Variants in OPCML observed in about 807,000 individuals in gnomAD.
OPCML encodes opioid binding protein/cell adhesion molecule like.
OPCML carries 13 observed loss-of-function variants against 37.8 expected under a neutral mutation model. The observed-to-expected ratio is 0.34, with a 90% confidence interval of 0.22 to 0.55. The LOEUF is 0.55. Among genes scored for constraint, OPCML ranks in the 20% least tolerant of loss-of-function variants. The pLI is 0.91. For synonymous variants in OPCML, 176 were observed against 168.8 expected (o/e 1.04, Z -0.33); for missense variants, 341 against 435.6 (o/e 0.78, Z 1.93).
intron 1 of OPCML, among the ~76,000 whole-genome samples, chr11:133,507,927 A>T (rs1948069725): frequency 6.6e-6 from 1 of 150,988 alleles, no homozygotes; most frequent in African/African-American, 2.5e-5. Flanking sequence ...AGACTGGGTG[A>T]CAGAGTGAAA....
chr11:133,315,742 G>T (rs1212364604), intron 1 of OPCML, among the ~76,000 whole-genome samples: 1 of 152,144 alleles, frequency 6.6e-6, no homozygotes, highest in Admixed American at 6.5e-5. Context: ...AAGTTGCAGT[G>T]AGCCAAGATC....
intron 2 of OPCML, among the ~76,000 whole-genome samples, chr11:132,919,143 C>T (rs1468264183): frequency 6.6e-6 from 1 of 152,146 alleles, no homozygotes; most frequent in African/African-American, 2.4e-5. Flanking sequence ...TGGATTTAAT[C>T]ACAAGGTTTT....
At chr11:133,404,595 C>A (rs4937769) in intron 1 of OPCML, among the ~76,000 whole-genome samples, 1 of 152,006 alleles carries the variant, frequency 6.6e-6, no homozygotes, top group African/African-American at 2.4e-5. Flanking sequence ...TTAACCACTA[C>A]GCCACACTGC....
chr11:133,310,523 T>C (rs1943043941), intron 1 of OPCML, among the ~76,000 whole-genome samples: 1 of 152,178 alleles, frequency 6.6e-6, no homozygotes. Context: ...CACCATTTCT[T>C]AGAGAATGGT....
At chr11:132,695,663 C>T (rs1204379148) in intron 2 of OPCML, among the ~76,000 whole-genome samples, 1 of 152,160 alleles carries the variant, frequency 6.6e-6, no homozygotes, top group East Asian at 1.9e-4. Flanking sequence ...CCAGCAGGAC[C>T]TGAACTTGGA....
chr11:132,580,300 T>A (rs978197477), intron 3 of OPCML, among the ~76,000 whole-genome samples: 1 of 152,136 alleles, frequency 6.6e-6, no homozygotes, highest in African/African-American at 2.4e-5. Flanking sequence ...ATATGACGAA[T>A]CTGTTTAAAT....
chr11:132,613,188 G>A (rs2575891), intron 3 of OPCML, among the ~76,000 whole-genome samples: 90,864 of 151,966 alleles, frequency 0.6, 27,950 homozygotes, highest in Admixed American at 0.71. Context: ...AGACTAGGCC[G>A]ATGGCCACTA....
chr11:133,365,612 G>T (rs879219782), intron 1 of OPCML: 1 of 152,178 alleles, frequency 6.6e-6, no homozygotes, highest in African/African-American at 2.4e-5. Flanking sequence ...CTCATGTATG[G>T]TAGGGTAAAT....
chr11:132,955,628 A>G (rs978082069), intron 1 of OPCML, among the ~76,000 whole-genome samples: 1 of 152,202 alleles, frequency 6.6e-6, no homozygotes, highest in African/African-American at 2.4e-5. Context: ...TCATGCCTGT[A>G]ATCCCAGCAC....
intron 1 of OPCML, chr11:133,008,907 A>G (rs1947162487): frequency 2.0e-6 from 2 of 985,346 alleles, no homozygotes; most frequent in Non-Finnish European, 2.4e-6. Flanking sequence ...TGATCTGCAC[A>G]TAAACACACC....
At chr11:133,330,586 A>T (rs2136646668) in intron 1 of OPCML, among the ~76,000 whole-genome samples, 1 of 152,128 alleles carries the variant, frequency 6.6e-6, no homozygotes, top group East Asian at 1.9e-4. Context: ...TATTGCAGGG[A>T]CAAAAAACCA....
intron 2 of OPCML, among the ~76,000 whole-genome samples, chr11:132,825,598 C>T (rs1420747185): frequency 3.3e-5 from 5 of 152,126 alleles, no homozygotes; most frequent in Admixed American, 6.5e-5. Context: ...AATAAATGGC[C>T]TTTCTTCTTT....
chr11:133,140,531 TAAGAAGAAGAAGAAGAAG>T (rs1168417109), intron 1 of OPCML, among the ~76,000 whole-genome samples: 16 of 88,104 alleles, frequency 1.8e-4, no homozygotes, highest in South Asian at 1.0e-3. Flanking sequence ...ATAATAATAA[TAAGAAGAAGAAGAAGAAG>T]AAGAAGAAGA....
At chr11:133,079,736 C>G (rs1270640025) in intron 1 of OPCML, among the ~76,000 whole-genome samples, 3 of 152,058 alleles carry the variant, frequency 2.0e-5, no homozygotes, top group South Asian at 2.1e-4. Context: ...TCACCACCCC[C>G]TCCACTTCCG....
intron 4 of OPCML, among the ~76,000 whole-genome samples, chr11:132,454,343 G>T (rs1371279073): frequency 6.6e-6 from 1 of 152,202 alleles, no homozygotes; most frequent in African/African-American, 2.4e-5. Context: ...ATTCCTGGGA[G>T]ATAACTAATC....
At chr11:132,538,591 ACAT>A (rs1454795273) in intron 3 of OPCML, among the ~76,000 whole-genome samples, 12 of 152,242 alleles carry the variant, frequency 7.9e-5, no homozygotes, top group African/African-American at 2.9e-4. Flanking sequence ...GTTTATAAAA[ACAT>A]CAATCACGGC....
At chr11:132,505,907 A>G (rs2096255788) in intron 4 of OPCML, among the ~76,000 whole-genome samples, 1 of 151,648 alleles carries the variant, frequency 6.6e-6, no homozygotes, top group Non-Finnish European at 1.5e-5. Context: ...AAAAAAATCT[A>G]TGTGTGTGCC....
chr11:132,513,452 G>A (rs2096273272), intron 4 of OPCML, among the ~76,000 whole-genome samples: 1 of 152,138 alleles, frequency 6.6e-6, no homozygotes, highest in Non-Finnish European at 1.5e-5. Context: ...TAGCGGGTGT[G>A]ATCAAACTTG....
intron 4 of OPCML, among the ~76,000 whole-genome samples, chr11:132,441,234 C>T: frequency 8.0e-6 from 1 of 124,826 alleles, no homozygotes; most frequent in Non-Finnish European, 1.6e-5. Context: ...GTGGCGGGAT[C>T]TCGGCTCACT....
Sources: gnomAD v4.1 joint callset for allele counts (sites outside exome capture counted in the v4.1 genomes callset) on GRCh38, gnomAD v4.1.1 for gene constraint, MANE v1.5 for transcripts, NCBI Gene and HGNC (gene_info 2026-07-23, HGNC 2026-07-21) for gene names.